CSNK1G3: variants seen among roughly 807,000 people sequenced by gnomAD.
CSNK1G3 encodes the protein casein kinase 1 gamma 3.
In CSNK1G3, 23 loss-of-function variants were observed where a neutral mutation model predicts 64.3. The ratio of observed to expected loss-of-function variants is 0.36; its 90% CI spans 0.26 to 0.51. The LOEUF is 0.51. Ranked by LOEUF, CSNK1G3 falls within the 20% of genes least tolerant of loss-of-function variation. CSNK1G3 has a pLI of 0.96. For synonymous variants in CSNK1G3, 158 were observed against 162.2 expected (o/e 0.97, Z 0.20); for missense variants, 357 against 510.5 (o/e 0.70, Z 2.90).
chr5:123,582,656 T>C (rs569215797), intron 6 of CSNK1G3, among the ~76,000 whole-genome samples: 2 of 152,320 alleles, frequency 1.3e-5, no homozygotes, highest in South Asian at 2.1e-4. Context: ...AGAGTTCTTA[T>C]AATGATTCTT....
intron 1 of CSNK1G3, among the ~76,000 whole-genome samples, chr5:123,533,974 C>G (rs188061462): frequency 2.7e-4 from 41 of 151,792 alleles, no homozygotes; most frequent in African/African-American, 9.4e-4. Flanking sequence ...TCTGTTTTCT[C>G]TGCTGTTTTT....
chr5:123,513,829 A>G (rs1288683472), intron 1 of CSNK1G3, among the ~76,000 whole-genome samples: 5 of 152,240 alleles, frequency 3.3e-5, no homozygotes, highest in Admixed American at 1.3e-4. Context: ...ATGTGAAACT[A>G]GTTTAAGAAA....
At position 123,568,607 on chromosome 5, in the gene CSNK1G3, G is replaced by A. The variant is rs1787426871; in HGVS notation, c.290-4786G>A. Among the ~76,000 whole-genome samples, 3 of 152,310 alleles carry A rather than the reference G, an allele frequency of 2.0e-5. No individual in the cohort carries two copies. In the South Asian group the frequency reaches 6.2e-4, roughly 32 times the overall value. On this transcript the variant is annotated intron_variant, in intron 4 of 12. Transcript: ENST00000345990. Reference sequence around the variant, plus strand: ...GTTGAGTTCTTTGGCAACTTCTTGTGTAGTTTTAAGAGGATCAGCTTTGAT... The same window carrying A: ...GTTGAGTTCTTTGGCAACTTCTTGTATAGTTTTAAGAGGATCAGCTTTGAT...
chr5:123,556,438 A>T (rs1287009203), intron 3 of CSNK1G3, among the ~76,000 whole-genome samples: 1 of 151,818 alleles, frequency 6.6e-6, no homozygotes, highest in Admixed American at 6.6e-5. Context: ...TTCTCACTGG[A>T]TTGTCCAGGT....
intron 6 of CSNK1G3, among the ~76,000 whole-genome samples, chr5:123,584,001 T>C (rs1207920840): frequency 6.6e-6 from 1 of 152,142 alleles, no homozygotes; most frequent in African/African-American, 2.4e-5. Context: ...CCCCAGTTGA[T>C]TTTTATGTAT....
chr5:123,522,464 T>C (rs1284033508), intron 1 of CSNK1G3, among the ~76,000 whole-genome samples: 2 of 151,012 alleles, frequency 1.3e-5, no homozygotes, highest in Non-Finnish European at 2.9e-5. Flanking sequence ...GATGACACCA[T>C]TGCACTCCAG....
At chr5:123,551,767 C>G (rs561171527) in intron 2 of CSNK1G3, among the ~76,000 whole-genome samples, 1 of 151,818 alleles carries the variant, frequency 6.6e-6, no homozygotes, top group South Asian at 2.1e-4. Flanking sequence ...CCAATGTGAC[C>G]AGGGCCAGTT....
At chr5:123,526,003 A>G (rs1470965848) in intron 1 of CSNK1G3, among the ~76,000 whole-genome samples, 1 of 151,608 alleles carries the variant, frequency 6.6e-6, no homozygotes, top group Non-Finnish European at 1.5e-5. Flanking sequence ...GTCTCAAAAA[A>G]AAAAAAAAAA....
intron 6 of CSNK1G3, among the ~76,000 whole-genome samples, chr5:123,582,469 A>G (rs1272084344): frequency 6.6e-6 from 1 of 152,156 alleles, no homozygotes; most frequent in Non-Finnish European, 1.5e-5. Context: ...TGAAACATGG[A>G]CACAGACTCT....
intron 10 of CSNK1G3, among the ~76,000 whole-genome samples, chr5:123,603,256 T>C (rs1794792440): frequency 6.6e-6 from 1 of 151,870 alleles, no homozygotes; most frequent in African/African-American, 2.4e-5. Flanking sequence ...AAAATGGAAG[T>C]GGTGAGTTAT....
At chr5:123,543,129 T>C (rs1781956835) in intron 1 of CSNK1G3, among the ~76,000 whole-genome samples, 1 of 152,098 alleles carries the variant, frequency 6.6e-6, no homozygotes, top group South Asian at 2.1e-4. Context: ...ATATTGGAAA[T>C]TCTGTGTTGT....
chr5:123,527,741 G>A (rs1311614850), intron 1 of CSNK1G3, among the ~76,000 whole-genome samples: 4 of 152,130 alleles, frequency 2.6e-5, no homozygotes, highest in Non-Finnish European at 1.5e-5. Flanking sequence ...TTTTCTGGAT[G>A]TACTTTCTCA....
At position 123,604,901 on chromosome 5, in the gene CSNK1G3, C is replaced by T. The variant is rs1488754981; in HGVS notation, c.1193+71C>T. The stretch of plus-strand genomic sequence containing the variant: ...TATGCATGCTTGAGATTTATAGTTA[C>T]ATACAATTATTTCAGGAAATTTTTT... On this transcript the variant is annotated intron_variant, in intron 11 of 12. Transcript: ENST00000345990. 6 of 1,193,102 alleles carry T rather than the reference C, an allele frequency of 5.0e-6. No homozygotes were observed. The African/African-American group carries it at 7.7e-5, about 15-fold the overall frequency. The allele number at this position is 1,193,102 out of a possible 1,614,324, so 73.9% of individuals were successfully genotyped here.
chr5:123,551,545 A>T (rs1355786514), intron 2 of CSNK1G3, among the ~76,000 whole-genome samples: 4 of 152,130 alleles, frequency 2.6e-5, no homozygotes, highest in Admixed American at 2.6e-4. Context: ...ATTTTCTCTC[A>T]ATTTTGTACA....
At chr5:123,551,932 T>A (rs1458264440) in intron 2 of CSNK1G3, among the ~76,000 whole-genome samples, 1 of 152,182 alleles carries the variant, frequency 6.6e-6, no homozygotes, top group Non-Finnish European at 1.5e-5. Context: ...TTAATCAAAT[T>A]ATCTTCATAT....
At chr5:123,557,059 A>T (rs752157458) in intron 3 of CSNK1G3, among the ~76,000 whole-genome samples, 3 of 152,090 alleles carry the variant, frequency 2.0e-5, no homozygotes, top group Non-Finnish European at 4.4e-5. Context: ...AAAAATTAAG[A>T]CATTGTTGCT....
At chr5:123,576,710 C>G (rs960411138) in intron 6 of CSNK1G3, among the ~76,000 whole-genome samples, 1 of 152,038 alleles carries the variant, frequency 6.6e-6, no homozygotes, top group African/African-American at 2.4e-5. Context: ...ATTTTGAGCA[C>G]AAATATCACA....
In CSNK1G3 at chr5:123,607,226, G is replaced by A. The variant is rs930911101; in HGVS notation, c.1217+1864G>A. On this transcript the variant is annotated intron_variant, in intron 12 of 12. Coordinates refer to ENST00000345990, the Ensembl canonical transcript of CSNK1G3. ...GTCATAGTCTGGCCCATCTATTTTT[G>A]CAGCTCCGTTTTCCATTCTGAACTT... is the stretch of plus-strand genomic sequence containing the variant. 2.0e-5 allele frequency among the ~76,000 whole-genome samples: 3 copies of A among 152,074 alleles called. 1 individual carries two copies. Among genetic ancestry groups the A allele is most frequent in the African/African-American group, 7.2e-5 (3 of 41,414 alleles).
At chr5:123,576,344 C>G (rs569027696) in intron 6 of CSNK1G3, among the ~76,000 whole-genome samples, 3 of 152,132 alleles carry the variant, frequency 2.0e-5, no homozygotes, top group Non-Finnish European at 4.4e-5. Context: ...TCCAATATGG[C>G]TAGCCACAGA....
Sources: gnomAD v4.1 joint callset for allele counts (sites outside exome capture counted in the v4.1 genomes callset) on GRCh38, gnomAD v4.1.1 for gene constraint, MANE v1.5 for transcripts, NCBI Gene and HGNC (gene_info 2026-07-23, HGNC 2026-07-21) for gene names.